The following CNTN4 variants were observed in gnomAD, a reference collection of about 807,000 sequenced individuals.
The protein encoded by CNTN4 is contactin 4, also known as contactin-4.
CNTN4 carries 77 observed loss-of-function variants against 122.5 expected under a neutral mutation model. That is an observed-to-expected ratio of 0.63 (90% CI 0.52 to 0.76). The LOEUF (loss-of-function observed/expected upper bound fraction) is 0.76. Ranked by LOEUF, CNTN4 falls within the 30% of genes least tolerant of loss-of-function variation. CNTN4 has a pLI of 0.00. For synonymous variants in CNTN4, 512 were observed against 447.0 expected (o/e 1.15, Z -1.83); for missense variants, 1,256 against 1,259.1 (o/e 1.00, Z 0.04).
At chr3:2,309,277 C>A (rs572888571) in intron 2 of CNTN4, among the ~76,000 whole-genome samples, 1 of 152,102 alleles carries the variant, frequency 6.6e-6, no homozygotes, top group East Asian at 1.9e-4. Flanking sequence ...GCTGTTCCAG[C>A]TCTTTTTTTG....
chr3:2,263,808 A>G (rs1575206626), intron 2 of CNTN4, among the ~76,000 whole-genome samples: 1 of 151,962 alleles, frequency 6.6e-6, no homozygotes, highest in Non-Finnish European at 1.5e-5. Flanking sequence ...GCCTCTGGTA[A>G]CCATCATCCT....
At chr3:2,647,219 A>T (rs113861645) in intron 4 of CNTN4, among the ~76,000 whole-genome samples, 1 of 151,956 alleles carries the variant, frequency 6.6e-6, no homozygotes, top group African/African-American at 2.4e-5. Flanking sequence ...CGTCCCTACT[A>T]AAAATACAAA....
At chr3:2,567,224 C>T (rs1013332573) in intron 3 of CNTN4, among the ~76,000 whole-genome samples, 3 of 151,922 alleles carry the variant, frequency 2.0e-5, no homozygotes, top group Admixed American at 6.6e-5. Flanking sequence ...GTAGCTGGGA[C>T]TACAGGCATG....
chr3:2,413,314 T>C (rs191162463), intron 3 of CNTN4, among the ~76,000 whole-genome samples: 25 of 152,328 alleles, frequency 1.6e-4, no homozygotes, highest in Non-Finnish European at 1.8e-4. Context: ...TCATTCTCAA[T>C]CACTTATTTT....
At chr3:3,019,570 C>T (rs1698082231) in intron 14 of CNTN4, among the ~76,000 whole-genome samples, 1 of 151,892 alleles carries the variant, frequency 6.6e-6, no homozygotes, top group African/African-American at 2.4e-5. Context: ...GCTAGGATTA[C>T]AGGCATGAGC....
At chr3:2,669,750 A>G (rs1372651459) in intron 4 of CNTN4, among the ~76,000 whole-genome samples, 2 of 152,302 alleles carry the variant, frequency 1.3e-5, no homozygotes, top group Non-Finnish European at 2.9e-5. Flanking sequence ...ATTTCCCTCT[A>G]CACACTCCTT....
At chr3:2,488,485 C>A (rs1369785970) in intron 3 of CNTN4, among the ~76,000 whole-genome samples, 1 of 152,086 alleles carries the variant, frequency 6.6e-6, no homozygotes, top group African/African-American at 2.4e-5. Flanking sequence ...GAGATGTCCT[C>A]CTCTCCAGGG....
chr3:2,563,798 G>T (rs1028089252), intron 3 of CNTN4, among the ~76,000 whole-genome samples: 1 of 152,006 alleles, frequency 6.6e-6, no homozygotes, highest in African/African-American at 2.4e-5. Flanking sequence ...GGACTGTAAG[G>T]TGTGTTTAAA....
intron 2 of CNTN4, among the ~76,000 whole-genome samples, chr3:2,301,110 G>A (rs1041245369): frequency 2.0e-5 from 3 of 152,074 alleles, no homozygotes; most frequent in Non-Finnish European, 4.4e-5. Context: ...ATCTCAATCC[G>A]CCAGATGTTC....
At chr3:3,045,844 A>C (rs1411430371) in intron 23 of CNTN4, among the ~76,000 whole-genome samples, 1 of 151,958 alleles carries the variant, frequency 6.6e-6, no homozygotes, top group Non-Finnish European at 1.5e-5. Context: ...TAAAGGAGGA[A>C]GTTCGAACCC....
intron 2 of CNTN4, among the ~76,000 whole-genome samples, chr3:2,134,319 G>A (rs1282228786): frequency 1.3e-5 from 2 of 152,176 alleles, no homozygotes; most frequent in Non-Finnish European, 2.9e-5. Context: ...TGTGCTGAAC[G>A]AGTCTCCTAG....
At chr3:2,457,997 A>T (rs2049062674) in intron 3 of CNTN4, among the ~76,000 whole-genome samples, 1 of 152,080 alleles carries the variant, frequency 6.6e-6, no homozygotes, top group Admixed American at 6.6e-5. Flanking sequence ...CAGACCAAAC[A>T]TCTCCCACCT....
At chr3:2,458,899 T>C (rs1404634233) in intron 3 of CNTN4, among the ~76,000 whole-genome samples, 1 of 152,204 alleles carries the variant, frequency 6.6e-6, no homozygotes, top group Admixed American at 6.6e-5. Flanking sequence ...TAGTGACTTA[T>C]GCAATATTGG....
At chr3:2,541,012 G>C (rs2078010058) in intron 3 of CNTN4, among the ~76,000 whole-genome samples, 1 of 152,106 alleles carries the variant, frequency 6.6e-6, no homozygotes, top group African/African-American at 2.4e-5. Flanking sequence ...AGGGTTATGA[G>C]ATTTCTTCAC....
chr3:2,707,833 T>G (rs764595859), intron 4 of CNTN4, among the ~76,000 whole-genome samples: 1 of 152,146 alleles, frequency 6.6e-6, no homozygotes, highest in Non-Finnish European at 1.5e-5. Flanking sequence ...AAAATATGTT[T>G]GAATTTTCAC....
In CNTN4 at chr3:3,056,807, T is replaced by C. The variant is rs1336848273; in HGVS notation, c.*587T>C. The C allele has an allele frequency of 6.5e-6, 1 of 152,976 alleles. No individual in the cohort carries two copies. The highest frequency in any genetic ancestry group is 1.9e-4 in the East Asian group (1 of 5,210). 9.5% of individuals were successfully genotyped at this position (152,976 alleles called of 1,614,324 possible). The stretch of plus-strand genomic sequence containing the variant: ...TATGTTTCCCATGCCGTTGTGATTT[T>C]GACATGTACAGTATGTTTTCATGCC... On this transcript the variant is annotated 3_prime_UTR_variant, in exon 25 of 25. Transcript: ENST00000418658.
intron 3 of CNTN4, among the ~76,000 whole-genome samples, chr3:2,368,063 C>T (rs1416499334): frequency 9.5e-4 from 123 of 129,144 alleles, no homozygotes; most frequent in African/African-American, 3.1e-3. Context: ...GGTGGAGTGT[C>T]GCTCTGTCGC....
chr3:2,813,534 T>C (rs900263722), intron 6 of CNTN4, among the ~76,000 whole-genome samples: 1 of 152,224 alleles, frequency 6.6e-6, no homozygotes, highest in Non-Finnish European at 1.5e-5. Flanking sequence ...ATGTGTGATA[T>C]TATCTCATTA....
intron 3 of CNTN4, among the ~76,000 whole-genome samples, chr3:2,550,229 G>C (rs1170207924): frequency 6.6e-6 from 1 of 152,016 alleles, no homozygotes; most frequent in African/African-American, 2.4e-5. Context: ...GGTATACCTT[G>C]TCTTCTGCTA....
Sources: allele counts gnomAD v4.1 joint callset (sites outside exome capture counted in the v4.1 genomes callset), GRCh38; gene constraint gnomAD v4.1.1; transcripts MANE v1.5; gene names NCBI Gene and HGNC (gene_info 2026-07-23, HGNC 2026-07-21).